The following RGS6 variants were observed in gnomAD, a reference collection of about 807,000 sequenced individuals.
RGS6 encodes regulator of G-protein signaling 6.
A neutral mutation model predicts 78.5 loss-of-function variants in RGS6; 30 were observed. The ratio of observed to expected loss-of-function variants is 0.38; its 90% CI spans 0.29 to 0.52. The LOEUF (loss-of-function observed/expected upper bound fraction) is 0.52, where lower values mean the gene tolerates loss of function less well. RGS6 is among the 20% of genes least tolerant of loss of function. RGS6 has a pLI of 0.85. For synonymous variants in RGS6, 206 were observed against 206.0 expected, an observed-to-expected ratio of 1.00 and a Z score of 0.00; for missense variants, 495 against 609.7, an observed-to-expected ratio of 0.81 and a Z score of 1.98.
At chr14:72,073,610 A>G (rs566340856) in intron 2 of RGS6, among the ~76,000 whole-genome samples, 82 of 152,310 alleles carry the variant, frequency 5.4e-4, no homozygotes, top group Non-Finnish European at 9.6e-4. Context: ...CCACTTAGAC[A>G]TGCCAGTTCA....
intron 2 of RGS6, among the ~76,000 whole-genome samples, chr14:72,275,383 A>G (rs1035668554): frequency 6.6e-6 from 1 of 152,200 alleles, no homozygotes; most frequent in Non-Finnish European, 1.5e-5. Flanking sequence ...GGCATTTCAG[A>G]TAGCTGAAGG....
At chr14:72,339,530 C>G (rs990683466) in intron 2 of RGS6, among the ~76,000 whole-genome samples, 16 of 152,080 alleles carry the variant, frequency 1.1e-4, no homozygotes, top group African/African-American at 3.6e-4. Flanking sequence ...GTGGAGAGAC[C>G]AGCCAATTTA....
rs1237990845 is a variant in RGS6, at chr14:72,565,265, A to T, written c.*2798A>T. On this transcript the variant is annotated 3_prime_UTR_variant, in exon 18 of 18. Coordinates refer to ENST00000553525, the MANE Select transcript of RGS6 (RefSeq NM_001204424.2). ...ATCTTGGCAGCCCCACAACCACAGC[A>T]TCAGGGCAGCTGCAGCAAGTGACCA... The T allele has an allele frequency of 6.6e-6, 1 of 152,422 alleles. No homozygotes were observed. The highest frequency in any genetic ancestry group is 1.5e-5 in the Non-Finnish European group (1 of 68,156). 9.4% of individuals were successfully genotyped at this position (152,422 alleles called of 1,614,324 possible). A position where few individuals can be genotyped will look rare whatever the true frequency, so the allele number is the denominator to read the frequency against.
the RGS6 span, among the ~76,000 whole-genome samples, chr14:72,611,177 C>A: frequency 3.9e-5 from 6 of 152,214 alleles, no homozygotes; most frequent in Non-Finnish European, 8.8e-5. Context: ...ACACACCTTC[C>A]CCCAAGCCCA....
intron 2 of RGS6, among the ~76,000 whole-genome samples, chr14:72,154,703 T>C (rs1445065267): frequency 6.6e-6 from 1 of 152,246 alleles, no homozygotes; most frequent in Admixed American, 6.5e-5. Context: ...TCTAAATAGA[T>C]AAATGATACT....
At chr14:72,323,135 A>T (rs538312225) in intron 2 of RGS6, among the ~76,000 whole-genome samples, 6 of 152,282 alleles carry the variant, frequency 3.9e-5, no homozygotes, top group African/African-American at 1.2e-4. Context: ...ATGTACTGTA[A>T]AACACAAAGA....
At chr14:72,057,205 T>C (rs2093657982) in intron 2 of RGS6, among the ~76,000 whole-genome samples, 1 of 151,010 alleles carries the variant, frequency 6.6e-6, no homozygotes, top group Admixed American at 6.6e-5. Context: ...TCCCAGCTTC[T>C]TGGGAGGCTG....
intron 3 of RGS6, among the ~76,000 whole-genome samples, chr14:72,405,372 C>T (rs2092827923): frequency 6.6e-6 from 1 of 152,158 alleles, no homozygotes; most frequent in African/African-American, 2.4e-5. Context: ...AAACTGGTCA[C>T]CAAATAATAA....
intron 13 of RGS6, among the ~76,000 whole-genome samples, chr14:72,496,595 G>A: frequency 6.6e-6 from 1 of 152,170 alleles, no homozygotes; most frequent in Non-Finnish European, 1.5e-5. Context: ...CAATTTATGT[G>A]TCTTTCAAAC....
the RGS6 span, among the ~76,000 whole-genome samples, chr14:72,573,086 G>A: frequency 1.3e-5 from 2 of 152,190 alleles, no homozygotes; most frequent in Admixed American, 1.3e-4. Context: ...CCAAAGACAG[G>A]ATCAGGAGAT....
the RGS6 span, among the ~76,000 whole-genome samples, chr14:72,580,050 A>C: frequency 6.6e-6 from 1 of 152,218 alleles, no homozygotes; most frequent in Non-Finnish European, 1.5e-5. Context: ...AGACACCTTG[A>C]TGTTCATCCA....
At chr14:72,131,164 C>T (rs1437226397) in intron 2 of RGS6, among the ~76,000 whole-genome samples, 2 of 152,216 alleles carry the variant, frequency 1.3e-5, no homozygotes, top group African/African-American at 4.8e-5. Flanking sequence ...AGTCCCCTAA[C>T]TCAATCATCT....
intron 2 of RGS6, among the ~76,000 whole-genome samples, chr14:72,307,685 G>A (rs1190714337): frequency 6.6e-6 from 1 of 151,908 alleles, no homozygotes; most frequent in East Asian, 1.9e-4. Flanking sequence ...ATGTATATTT[G>A]TCTTTTCCTT....
intron 2 of RGS6, among the ~76,000 whole-genome samples, chr14:72,349,912 T>C (rs1237538051): frequency 3.3e-5 from 5 of 152,208 alleles, no homozygotes; most frequent in South Asian, 2.1e-4. Context: ...AAACCATCAA[T>C]GTAACTGATA....
At chr14:72,238,282 G>A (rs1272714562) in intron 2 of RGS6, among the ~76,000 whole-genome samples, 19 of 152,168 alleles carry the variant, frequency 1.2e-4, no homozygotes, top group African/African-American at 2.4e-5. Flanking sequence ...GAGAGGGGGA[G>A]CGGGTAGGCC....
In RGS6 at chr14:72,013,185, C is replaced by T. The variant is rs529339908; in HGVS notation, c.84+48310C>T. Among the ~76,000 whole-genome samples the T allele has an allele frequency of 2.8e-5, 4 of 143,702 alleles. No homozygotes were observed. In the East Asian group the frequency reaches 9.0e-4, roughly 32 times the overall value. 94.3% of individuals were successfully genotyped at this position (143,702 alleles called of 152,430 possible). On this transcript the variant is annotated intron_variant, in intron 2 of 17. Coordinates refer to ENST00000553525, the MANE Select transcript of RGS6 (RefSeq NM_001204424.2). ...ACTCGGGAGGTTGAGGCAGGAGAAT[C>T]TCTTGAACCTGGGAGGTGGGGGTTG...
chr14:72,556,745 AATTT>A (rs1371219026), intron 17 of RGS6, among the ~76,000 whole-genome samples: 1 of 152,128 alleles, frequency 6.6e-6, no homozygotes, highest in Non-Finnish European at 1.5e-5. Flanking sequence ...ATTTTGATCA[AATTT>A]ATTATTTTTT....
At chr14:72,120,290 C>A (rs2096014161) in intron 2 of RGS6, among the ~76,000 whole-genome samples, 1 of 152,186 alleles carries the variant, frequency 6.6e-6, no homozygotes. Context: ...ACAGTGGAAA[C>A]CTTCTTTCAA....
At chr14:71,981,014 A>G in intron 2 of RGS6, among the ~76,000 whole-genome samples, 1 of 143,718 alleles carries the variant, frequency 7.0e-6, no homozygotes, top group Non-Finnish European at 1.5e-5. Context: ...CATTCATTTC[A>G]TCTTCCATTG....
Sources: gnomAD v4.1 joint callset for allele counts (sites outside exome capture counted in the v4.1 genomes callset) on GRCh38, gnomAD v4.1.1 for gene constraint, MANE v1.5 for transcripts, NCBI Gene and HGNC (gene_info 2026-07-23, HGNC 2026-07-21) for gene names.